The following CNTNAP5 variants were observed in gnomAD, a reference collection of about 807,000 sequenced individuals.
The protein encoded by CNTNAP5 is contactin associated protein family member 5.
A neutral mutation model predicts 150.2 loss-of-function variants in CNTNAP5; 72 were observed. The observed-to-expected ratio is 0.48, with a 90% CI of 0.40 to 0.58. The LOEUF is 0.58. CNTNAP5 is among the 20% of genes least tolerant of loss of function. The pLI, the probability that CNTNAP5 is intolerant of heterozygous loss-of-function variation, is 0.00. For synonymous variants in CNTNAP5, 672 were observed against 619.8 expected, an observed-to-expected ratio of 1.08 and a Z score of -1.25; for missense variants, 1,636 against 1,626.2, an observed-to-expected ratio of 1.01 and a Z score of -0.10.
chr2:124,615,978 A>C (rs75768257), intron 12 of CNTNAP5, among the ~76,000 whole-genome samples: 1,597 of 152,240 alleles, frequency 0.01, 31 homozygotes, highest in African/African-American at 0.036. Context: ...AGGAGTTCTC[A>C]ATGGTGGGCT....
chr2:124,489,296 G>A (rs894028091), intron 7 of CNTNAP5, among the ~76,000 whole-genome samples: 12 of 152,150 alleles, frequency 7.9e-5, no homozygotes, highest in African/African-American at 2.4e-4. Flanking sequence ...ACATGAAAAT[G>A]TCAGCAGGGT....
chr2:124,581,257 G>T (rs977275119), intron 11 of CNTNAP5, among the ~76,000 whole-genome samples: 3 of 152,142 alleles, frequency 2.0e-5, no homozygotes, highest in African/African-American at 4.8e-5. Context: ...ATCATTTCAG[G>T]TTTCTTAATT....
intron 7 of CNTNAP5, among the ~76,000 whole-genome samples, chr2:124,499,685 G>A (rs903406765): frequency 1.3e-5 from 2 of 152,114 alleles, no homozygotes; most frequent in African/African-American, 4.8e-5. Flanking sequence ...AACCACACTT[G>A]CCCCTCCAGC....
intron 10 of CNTNAP5, among the ~76,000 whole-genome samples, chr2:124,558,620 CT>C (rs377307378): frequency 2.8e-4 from 42 of 152,278 alleles, no homozygotes; most frequent in African/African-American, 9.1e-4. Context: ...CATATTTCTT[CT>C]GTGAAACTTT....
intron 3 of CNTNAP5, among the ~76,000 whole-genome samples, chr2:124,307,517 T>C (rs1688722673): frequency 6.6e-6 from 1 of 152,188 alleles, no homozygotes; most frequent in African/African-American, 2.4e-5. Context: ...CCTTCAATTT[T>C]TGTTACCAAA....
chr2:124,612,805 C>A (rs1467964340), intron 12 of CNTNAP5, among the ~76,000 whole-genome samples: 1 of 152,198 alleles, frequency 6.6e-6, no homozygotes, highest in African/African-American at 2.4e-5. Context: ...GTAATCCCAA[C>A]ACTTTGGGAG....
At chr2:124,848,164 C>T (rs1308815395) in intron 19 of CNTNAP5, among the ~76,000 whole-genome samples, 1 of 152,100 alleles carries the variant, frequency 6.6e-6, no homozygotes, top group Non-Finnish European at 1.5e-5. Context: ...GAAAATTTGA[C>T]CAACATCCTC....
At chr2:124,440,632 T>C (rs1692650153) in intron 5 of CNTNAP5, among the ~76,000 whole-genome samples, 1 of 152,136 alleles carries the variant, frequency 6.6e-6, no homozygotes, top group South Asian at 2.1e-4. Context: ...TTAAACACTT[T>C]TTGCAAACAT....
intron 19 of CNTNAP5, among the ~76,000 whole-genome samples, chr2:124,810,060 T>C (rs1275615904): frequency 1.3e-5 from 2 of 152,202 alleles, no homozygotes; most frequent in African/African-American, 4.8e-5. Context: ...GAATCCTATG[T>C]TTAGTCAAAT....
At chr2:124,426,447 G>A (rs574278491) in intron 4 of CNTNAP5, among the ~76,000 whole-genome samples, 1 of 152,228 alleles carries the variant, frequency 6.6e-6, no homozygotes, top group Admixed American at 6.5e-5. Context: ...GCAAGAGTAT[G>A]GTCTGAATAA....
At chr2:124,900,569 T>G (rs1678395545) in intron 21 of CNTNAP5, among the ~76,000 whole-genome samples, 1 of 151,520 alleles carries the variant, frequency 6.6e-6, no homozygotes, top group Admixed American at 6.6e-5. Context: ...GGTGAGAATG[T>G]CATTTGCTGG....
chr2:124,257,031 G>C (rs1490107365), intron 3 of CNTNAP5, among the ~76,000 whole-genome samples: 2 of 152,106 alleles, frequency 1.3e-5, no homozygotes, highest in Non-Finnish European at 2.9e-5. Context: ...GCAGATACTA[G>C]AGCAATGCAT....
intron 3 of CNTNAP5, among the ~76,000 whole-genome samples, chr2:124,394,287 G>A (rs781207975): frequency 2.0e-5 from 3 of 150,372 alleles, no homozygotes; most frequent in Non-Finnish European, 2.9e-5. Flanking sequence ...CATGAGAATC[G>A]CTTGAACCCA....
At chr2:124,148,713 T>G (rs1481797476) in intron 1 of CNTNAP5, among the ~76,000 whole-genome samples, 1 of 150,936 alleles carries the variant, frequency 6.6e-6, no homozygotes, top group African/African-American at 2.4e-5. Context: ...TATATCAAAC[T>G]ATTGATAATG....
At chr2:124,795,744 T>C (rs1346303488) in intron 18 of CNTNAP5, among the ~76,000 whole-genome samples, 1 of 152,174 alleles carries the variant, frequency 6.6e-6, no homozygotes. Flanking sequence ...CCCGAACTCC[T>C]GACCTCGGGT....
intron 14 of CNTNAP5, among the ~76,000 whole-genome samples, chr2:124,761,817 C>G (rs1014864748): frequency 1.3e-5 from 2 of 152,036 alleles, no homozygotes; most frequent in Non-Finnish European, 2.9e-5. Context: ...TTTCTTTCCT[C>G]TGTTATTTGG....
At chr2:124,708,018 A>T (rs1196980756) in intron 13 of CNTNAP5, among the ~76,000 whole-genome samples, 1 of 152,242 alleles carries the variant, frequency 6.6e-6, no homozygotes, top group Non-Finnish European at 1.5e-5. Context: ...TCAAGTAACT[A>T]GTTGGACCTA....
chr2:124,508,359 A>G (rs869760), intron 8 of CNTNAP5, among the ~76,000 whole-genome samples: 129,498 of 152,226 alleles, frequency 0.85, 55,253 homozygotes, highest in East Asian at 1. Flanking sequence ...AATTATAAAA[A>G]TTAAGCCTCA....
intron 19 of CNTNAP5, among the ~76,000 whole-genome samples, chr2:124,798,676 G>A (rs1005941590): frequency 6.6e-6 from 1 of 152,162 alleles, no homozygotes; most frequent in African/African-American, 2.4e-5. Flanking sequence ...TGTCATCTTT[G>A]CTTCAGTCTT....
Sources: allele counts gnomAD v4.1 joint callset (sites outside exome capture counted in the v4.1 genomes callset), GRCh38; gene constraint gnomAD v4.1.1; transcripts MANE v1.5; gene names NCBI Gene and HGNC (gene_info 2026-07-23, HGNC 2026-07-21).